Variants in LRP1B observed in about 807,000 individuals in gnomAD.
LRP1B encodes LDL receptor related protein 1B, also known as low-density lipoprotein receptor-related protein 1B.
In LRP1B, 217 loss-of-function variants were observed where a neutral mutation model predicts 556.6. That is an observed-to-expected ratio of 0.39 (90% CI 0.35 to 0.44). The LOEUF is 0.44. Among genes scored for constraint, LRP1B ranks in the 20% least tolerant of loss-of-function variants. LRP1B has a pLI of 1.00. For missense variants in LRP1B, 5,053 were observed against 5,620.8 expected (o/e 0.90, Z 3.23); for synonymous variants, 2,047 against 1,865.8 (o/e 1.10, Z -2.50).
chr2:141,283,625 T>TG (rs966859795), intron 3 of LRP1B, among the ~76,000 whole-genome samples: 1 of 148,974 alleles, frequency 6.7e-6, no homozygotes, highest in African/African-American at 2.5e-5. Flanking sequence ...CCACTTTTTT[T>TG]TTTTTTTTTT....
intron 42 of LRP1B, 131 bp downstream of exon 42, chr2:140,601,318 GT>G: frequency 2.5e-6 from 2 of 816,132 alleles, no homozygotes. Flanking sequence ...AAAAAAAAAA[GT>G]TTTATGAATT....
intron 41 of LRP1B, chr2:140,683,319 T>C (rs111636641): frequency 0.061 from 26,839 of 438,832 alleles, 1,133 homozygotes; most frequent in South Asian, 0.1. Context: ...GATCTTGACC[T>C]GGAGGCCCAA....
intron 43 of LRP1B, among the ~76,000 whole-genome samples, chr2:140,590,245 T>G (rs1018913114): frequency 1.4e-4 from 18 of 126,692 alleles, no homozygotes; most frequent in Non-Finnish European, 2.6e-4. Flanking sequence ...TGTGTATATA[T>G]ATATACATAA....
chr2:140,663,958 G>A (rs1161072610), intron 41 of LRP1B, among the ~76,000 whole-genome samples: 1 of 152,044 alleles, frequency 6.6e-6, no homozygotes, highest in African/African-American at 2.4e-5. Flanking sequence ...TTTCAATATT[G>A]TTGTGCCTCA....
rs370678106 is a variant in LRP1B at position 140,444,330 on chromosome 2, G to T, written c.10294C>A (p.Pro3432Thr). 4 of 1,613,640 alleles carry T rather than the reference G, an allele frequency of 2.5e-6. No individual in the cohort carries two copies. Among genetic ancestry groups the T allele is most frequent in the Non-Finnish European group, 3.4e-6 (4 of 1,179,786 alleles). Residue 3432 changes from proline (P) to threonine (T), a missense_variant and splice_region_variant, in exon 65 of 91, where the codon CCT becomes ACT. Physicochemically the swap from Pro to Thr is conservative, Grantham distance 38. Transcript: ENST00000389484. ...GACAGAGTATTTTGAGGTGACTTAC[G>T]ACAGTCTCTTTCATCTTCCTCATCA... ...CGDEEDERDC[P>T]ENSCSPDYFQ...
At chr2:140,400,651 G>C (rs1684455603) in intron 66 of LRP1B, among the ~76,000 whole-genome samples, 1 of 152,180 alleles carries the variant, frequency 6.6e-6, no homozygotes, top group Non-Finnish European at 1.5e-5. Flanking sequence ...CTTGGAAGGA[G>C]AGAATAACGT....
In LRP1B at chr2:141,999,774, T is replaced by C. The variant is rs73963412; in HGVS notation, c.82+130874A>G. Among the ~76,000 whole-genome samples the C allele has an allele frequency of 5.5e-3, 835 of 152,022 alleles. 10 individuals are homozygous for C. Among genetic ancestry groups the C allele is most frequent in the African/African-American group, 0.02 (814 of 41,530 alleles). ...CATTAGAAATCATATGAAAACCAAT[T>C]CTATGCTTTGCACACATGTACTATT... On this transcript the variant is annotated intron_variant, in intron 1 of 90. Transcript: ENST00000389484.
chr2:140,325,623 A>G (rs1680433123), intron 80 of LRP1B, 139 bp downstream of exon 80: 1 of 542,112 alleles, frequency 1.8e-6, no homozygotes, highest in Non-Finnish European at 3.1e-6. Flanking sequence ...TTTAATTACT[A>G]GTAAGCCTTA....
intron 27 of LRP1B, 85 bp downstream of exon 27, chr2:140,867,505 A>C: frequency 7.2e-7 from 1 of 1,383,942 alleles, no homozygotes; most frequent in Non-Finnish European, 9.6e-7. Context: ...TTTAACTTAT[A>C]GAAGTTATTT....
intron 41 of LRP1B, among the ~76,000 whole-genome samples, chr2:140,680,423 A>G (rs1685822116): frequency 6.6e-6 from 1 of 152,170 alleles, no homozygotes; most frequent in African/African-American, 2.4e-5. Context: ...GGTGGGCCAC[A>G]TTAGTATGGG....
chr2:140,284,895 G>GATACCTATATACCTACCT (rs1683069592), intron 84 of LRP1B, among the ~76,000 whole-genome samples: 1 of 111,626 alleles, frequency 9.0e-6, no homozygotes, highest in African/African-American at 2.6e-5. Flanking sequence ...TCTATATATG[G>GATACCTATATACCTACCT]ATATCTATAT....
intron 43 of LRP1B, among the ~76,000 whole-genome samples, chr2:140,588,383 TA>T (rs1482154768): frequency 2.0e-5 from 3 of 152,200 alleles, no homozygotes; most frequent in Non-Finnish European, 2.9e-5. Flanking sequence ...GTAATGAATA[TA>T]TACTGCAGTA....
chr2:141,306,193 T>C (rs1686580597), intron 3 of LRP1B, among the ~76,000 whole-genome samples: 1 of 152,090 alleles, frequency 6.6e-6, no homozygotes, highest in African/African-American at 2.4e-5. Context: ...TACTCTTCAA[T>C]TATTTAGAAT....
intron 11 of LRP1B, among the ~76,000 whole-genome samples, chr2:141,035,968 C>T (rs141347524): frequency 1.3e-5 from 2 of 152,082 alleles, no homozygotes; most frequent in South Asian, 2.1e-4. Flanking sequence ...CCTCAAATTC[C>T]TATTTGCACT....
intron 20 of LRP1B, among the ~76,000 whole-genome samples, chr2:140,933,603 A>G (rs1467603404): frequency 6.6e-6 from 1 of 152,114 alleles, no homozygotes; most frequent in Non-Finnish European, 1.5e-5. Context: ...TCTTTATGCT[A>G]TTAATTATAT....
chr2:141,906,210 T>A (rs1216877412), intron 1 of LRP1B, among the ~76,000 whole-genome samples: 3 of 151,720 alleles, frequency 2.0e-5, no homozygotes, highest in Non-Finnish European at 2.9e-5. Context: ...ATAATTTTTT[T>A]AAAAAGTTCT....
At chr2:140,328,150 A>C (rs1680595327) in intron 79 of LRP1B, among the ~76,000 whole-genome samples, 1 of 152,014 alleles carries the variant, frequency 6.6e-6, no homozygotes, top group South Asian at 2.1e-4. Context: ...ATTCTCAAGA[A>C]ACTCATTTTT....
Position 140,536,728 on chromosome 2 carries a change from A to C in LRP1B, c.7514-19T>G. 6.4e-7 allele frequency: 1 copy of C among 1,573,276 alleles called. No individual in the cohort carries two copies. The highest frequency in any genetic ancestry group is 8.6e-7 in the Non-Finnish European group (1 of 1,163,756). On this transcript the variant is annotated intron_variant, in intron 45 of 90. Coordinates refer to ENST00000389484, the MANE Select transcript of LRP1B (RefSeq NM_018557.3). The stretch of plus-strand genomic sequence containing the variant: ...TTTTTAGCTGCAAGAAAAAAAAAAA[A>C]AGTCAATACTTTTGTGCAATGGCAA...
intron 71 of LRP1B, 82 bp from the exon 72 acceptor site, chr2:140,364,865 G>T: frequency 7.8e-7 from 1 of 1,274,824 alleles, no homozygotes; most frequent in Non-Finnish European, 1.1e-6. Context: ...CTGAATCTTA[G>T]CAAACAGTAT....
Sources: allele counts gnomAD v4.1 joint callset (sites outside exome capture counted in the v4.1 genomes callset), GRCh38; gene constraint gnomAD v4.1.1; transcripts MANE v1.5; gene names NCBI Gene and HGNC (gene_info 2026-07-23, HGNC 2026-07-21).